Variants in ZNF335 observed in about 807,000 individuals in gnomAD.
ZNF335 encodes zinc finger protein 335, also known as NRC-interacting factor 1.
A neutral mutation model predicts 145.6 loss-of-function variants in ZNF335; 84 were observed. The ratio of observed to expected loss-of-function variants is 0.58; its 90% CI spans 0.48 to 0.69. ZNF335 has a LOEUF of 0.69. Among genes scored for constraint, ZNF335 ranks in the 30% least tolerant of loss-of-function variants. The probability of loss-of-function intolerance (pLI) is 0.00; values close to 1 mark genes in which losing one functional copy is unlikely to be tolerated. For missense variants in ZNF335, 1,865 were observed against 1,809.7 expected (o/e 1.03, Z -0.55); for synonymous variants, 761 against 717.0 (o/e 1.06, Z -0.98).
chr20:45,952,571 G>A, intron 19 of ZNF335, 27 bp downstream of exon 19: 1 of 1,612,728 alleles, frequency 6.2e-7, no homozygotes, highest in Non-Finnish European at 8.5e-7. Context: ...GGGAGGTGGG[G>A]GAGTGGTTGG....
chr20:45,948,817 TG>T lies in ZNF335; in HGVS notation c.*135del. 1 of 1,430,354 alleles carries T rather than the reference TG, an allele frequency of 7.0e-7. No individual in the cohort carries two copies. Among genetic ancestry groups the T allele is most frequent in the Non-Finnish European group, 9.6e-7 (1 of 1,043,766 alleles). The allele number at this position is 1,430,354 out of a possible 1,614,324, so 88.6% of individuals were successfully genotyped here. ...GCCCCTAACCCCAACAGCACAGGTCTGGCTCCCTGGGAATGAGAGGATGCTG... is the reference window on the plus strand; with the variant it reads ...GCCCCTAACCCCAACAGCACAGGTCTGCTCCCTGGGAATGAGAGGATGCTG... On this transcript the variant is annotated 3_prime_UTR_variant, in exon 28 of 28. Coordinates refer to ENST00000322927, the MANE Select transcript of ZNF335 (RefSeq NM_022095.4).
Position 45,968,108 on chromosome 20 carries a change from G to T in ZNF335, c.521-81C>A, listed in dbSNP as rs765686745. 4.3e-5 allele frequency: 68 copies of T among 1,572,338 alleles called. No homozygotes were observed. The Admixed American group carries it at 4.6e-4, about 11-fold the overall frequency. ...GAGCTATAGCTACCCCTCCCAGGCAGGCCCAGGGAGTGCAGAACCAAATTC... is the reference window on the plus strand; with the variant it reads ...GAGCTATAGCTACCCCTCCCAGGCATGCCCAGGGAGTGCAGAACCAAATTC... On this transcript the variant is annotated intron_variant, in intron 4 of 27. Coordinates refer to ENST00000322927, the MANE Select transcript of ZNF335 (RefSeq NM_022095.4).
intron 10 of ZNF335, 88 bp downstream of exon 10, chr20:45,961,982 G>GT: frequency 8.8e-7 from 1 of 1,141,612 alleles, no homozygotes; most frequent in South Asian, 1.4e-5. Flanking sequence ...CAGGAGCACG[G>GT]TAAGTGGGAA....
intron 17 of ZNF335, among the ~76,000 whole-genome samples, chr20:45,956,358 G>A (rs917887771): frequency 1.3e-5 from 2 of 151,764 alleles, no homozygotes; most frequent in Non-Finnish European, 2.9e-5. Flanking sequence ...CCTCCCGAGT[G>A]GCTGGGATTA....
chr20:45,962,253 G>T, intron 9 of ZNF335, 71 bp from the exon 10 acceptor site: 1 of 1,224,724 alleles, frequency 8.2e-7, no homozygotes, highest in Non-Finnish European at 1.2e-6. Flanking sequence ...CACCATGCCT[G>T]TGGCCACAGT....
chr20:45,968,088 A>G, intron 4 of ZNF335, 61 bp from the exon 5 acceptor site: 3 of 1,599,592 alleles, frequency 1.9e-6, no homozygotes, highest in Non-Finnish European at 2.6e-6. Context: ...GCCATGAGCT[A>G]TAGCTACCCC....
Position 45,948,755 on chromosome 20 carries a change from T to C in ZNF335, c.*198A>G. ...TCTCTCCCAAAGCCTGCCTGCAGGC[T>C]GGGGCACCCAGCATGTCCTGGCTGG... is the stretch of plus-strand genomic sequence containing the variant. On this transcript the variant is annotated 3_prime_UTR_variant, in exon 28 of 28. Transcript: ENST00000322927. The C allele has an allele frequency of 1.3e-6, 1 of 756,592 alleles. No homozygotes were observed. Among genetic ancestry groups the C allele is most frequent in the Non-Finnish European group, 2.1e-6 (1 of 473,394 alleles). 46.9% of individuals were successfully genotyped at this position (756,592 alleles called of 1,614,324 possible). A position where few individuals can be genotyped will look rare whatever the true frequency, so the allele number is the denominator to read the frequency against.
At position 45,960,450 on chromosome 20, in the gene ZNF335, T is replaced by G. The variant is rs775048502; in HGVS notation, c.1858A>C (p.Arg620=). The part of the protein sequence containing the change: ...LTHIQAVANR[R]FKCEFCEFVC... ...CCAGGGGCCTCCAAGGGGATGTACCTGCGGTTGGCAACAGCCTGGATGTGC... is the reference window on the plus strand; with the variant it reads ...CCAGGGGCCTCCAAGGGGATGTACCGGCGGTTGGCAACAGCCTGGATGTGC... The change falls in exon 13 of 28, where the codon AGG becomes CGG. Residue 620 remains arginine (R), a splice_region_variant and synonymous_variant. Coordinates refer to ENST00000322927, the MANE Select transcript of ZNF335 (RefSeq NM_022095.4). 5 of 1,614,102 alleles carry G rather than the reference T, an allele frequency of 3.1e-6. No individual in the cohort carries two copies.
At chr20:45,951,466 C>T (rs568565779) in intron 20 of ZNF335, among the ~76,000 whole-genome samples, 146 of 152,360 alleles carry the variant, frequency 9.6e-4, no homozygotes, top group Non-Finnish European at 1.6e-3. Context: ...CCCTTTTTGG[C>T]ACCAGGGACT....
rs956451031 is a variant in ZNF335, at chr20:45,950,578, G to A, written c.3207C>T (p.His1069=). 1 of 1,614,014 alleles carries A rather than the reference G, an allele frequency of 6.2e-7. No individual in the cohort carries two copies. The highest frequency in any genetic ancestry group is 1.1e-5 in the South Asian group (1 of 91,088). The change falls in exon 21 of 28, where the codon CAC becomes CAT. Residue 1069 remains histidine (H), a synonymous_variant. Coordinates refer to ENST00000322927, the MANE Select transcript of ZNF335 (RefSeq NM_022095.4). Reference sequence around the variant, plus strand: ...TACACTGGTGGGGCCGTAGGCTTGAGTGCTGTGCCATGTGCGCCTGCAGAG... The same window carrying A: ...TACACTGGTGGGGCCGTAGGCTTGAATGCTGTGCCATGTGCGCCTGCAGAG... ...WPEVRAHMAQ[H]SSLRPHQCSQ... is the part of the protein sequence containing the mutation.
In ZNF335 at chr20:45,969,656, G is replaced by A. The variant is rs1429884663; in HGVS notation, c.237C>T (p.Pro79=). 2 of 1,612,212 alleles carry A rather than the reference G, an allele frequency of 1.2e-6. No individual in the cohort carries two copies. Among genetic ancestry groups the A allele is most frequent in the Admixed American group, 3.3e-5 (2 of 59,982 alleles). Residue 79 remains proline, a synonymous_variant, in exon 3 of 28, where the codon CCC becomes CCT. Coordinates refer to ENST00000322927, the MANE Select transcript of ZNF335 (RefSeq NM_022095.4). ...EVSESSSSAD[P]LPNSYLPDSS... is the part of the protein sequence containing the mutation. Reference sequence around the variant, plus strand: ...AATCAGGGAGGTAGCTATTAGGCAGGGGGTCTGCGCTCGAGCTGCTCTCAG... The same window carrying A: ...AATCAGGGAGGTAGCTATTAGGCAGAGGGTCTGCGCTCGAGCTGCTCTCAG...
At chr20:45,971,834 G>A (rs1437440641) in intron 1 of ZNF335, 2 of 984,914 alleles carry the variant, frequency 2.0e-6, no homozygotes, top group Admixed American at 6.2e-5. Flanking sequence ...CTGGGTCAGT[G>A]GTTCGCTCCC....
rs772276899 is a variant in ZNF335 at position 45,960,238 on chromosome 20, A to G, written c.1990T>C (p.Leu664=). Reference sequence around the variant, plus strand: ...TGCTTGACAGCCACATGGGACAGCAAGAAGTCCTCTCGGAAGGTGCGGTAG... The same window carrying G: ...TGCTTGACAGCCACATGGGACAGCAGGAAGTCCTCTCGGAAGGTGCGGTAG... The part of the protein sequence containing the change: ...CPYRTFREDF[L]LSHVAVKHTG... Residue 664 remains leucine, a synonymous_variant, in exon 14 of 28, where the codon TTG becomes CTG. Coordinates refer to ENST00000322927, the MANE Select transcript of ZNF335 (RefSeq NM_022095.4). 4 of 1,614,082 alleles carry G rather than the reference A, an allele frequency of 2.5e-6. No homozygotes were observed. The African/African-American group carries it at 4.0e-5, about 16-fold the overall frequency.
chr20:45,972,002 C>T lies in ZNF335; in HGVS notation c.-51+120G>A, dbSNP rs527623832. The stretch of plus-strand genomic sequence containing the variant: ...GCGAGAGCGACTAAAGGGCCTGGGA[C>T]CCCGGGGCCCTGTTCGGACAGCCCC... On this transcript the variant is annotated intron_variant, in intron 1 of 27. Coordinates refer to ENST00000322927, the MANE Select transcript of ZNF335 (RefSeq NM_022095.4). The T allele has an allele frequency of 6.6e-5, 79 of 1,196,596 alleles. No individual in the cohort carries two copies. The African/African-American group carries it at 1.2e-3, about 18-fold the overall frequency. The allele number at this position is 1,196,596 out of a possible 1,614,324, so 74.1% of individuals were successfully genotyped here.
At position 45,963,516 on chromosome 20, in the gene ZNF335, C is replaced by G; in HGVS notation, c.1490G>C (p.Cys497Ser). Residue 497 changes from cysteine (C) to serine (S), a missense_variant, in exon 9 of 28, where the codon TGC becomes TCC. By Grantham distance (112) the Cys-to-Ser change is moderately radical. Coordinates refer to ENST00000322927, the MANE Select transcript of ZNF335 (RefSeq NM_022095.4). The stretch of plus-strand genomic sequence containing the variant: ...GCGGGAACGATAGCTGCACTGCAGG[C>G]ACTTGAAGAGCTGGGGATCGCCAGC... ...HEAGDPQLFK[C>S]LQCSYRSRRW... 1 of 1,614,144 alleles carries G rather than the reference C, an allele frequency of 6.2e-7. No homozygotes were observed. The highest frequency in any genetic ancestry group is 8.5e-7 in the Non-Finnish European group (1 of 1,180,042).
chr20:45,969,848 G>A (rs1016963830), intron 2 of ZNF335, 157 bp from the exon 3 acceptor site: 115 of 938,406 alleles, frequency 1.2e-4, no homozygotes, highest in Non-Finnish European at 1.7e-4. Context: ...AGTGAGAGAG[G>A]CCCTCCAGTC....
chr20:45,969,966 G>C, intron 2 of ZNF335: 1 of 360,586 alleles, frequency 2.8e-6, no homozygotes, highest in Non-Finnish European at 5.1e-6. Context: ...TATTTTCTTT[G>C]GGCTTTTGCA....
At chr20:45,964,889 G>A (rs1039975383) in intron 7 of ZNF335, among the ~76,000 whole-genome samples, 5 of 152,010 alleles carry the variant, frequency 3.3e-5, no homozygotes, top group African/African-American at 7.2e-5. Context: ...AAATTAAGTC[G>A]GTGTGGTGGT....
Position 45,957,900 on chromosome 20 carries a change from G to A in ZNF335, c.2282C>T (p.Ser761Leu), listed in dbSNP as rs1372450142. The A allele has an allele frequency of 1.2e-6, 2 of 1,614,092 alleles. No homozygotes were observed. Among genetic ancestry groups the A allele is most frequent in the Non-Finnish European group, 1.7e-6 (2 of 1,180,026 alleles). The change falls in exon 16 of 28, where the codon TCA (serine) becomes TTA (leucine). Residue 761 changes from serine to leucine, a missense_variant. Physicochemically the swap from Ser to Leu is moderately radical, Grantham distance 145. Transcript: ENST00000322927. ...EIPPEATTFQ[S>L]SEAPSLLCSD... ...ACAGAGCAATGAGGGAGCCTCAGAT[G>A]ACTGGAAAGTTGTCGCCTCTGGGGG... is the stretch of plus-strand genomic sequence containing the variant.
Sources: gnomAD v4.1 joint callset for allele counts (sites outside exome capture counted in the v4.1 genomes callset) on GRCh38, gnomAD v4.1.1 for gene constraint, MANE v1.5 for transcripts, NCBI Gene and HGNC (gene_info 2026-07-23, HGNC 2026-07-21) for gene names.